PDE4D: variants seen among roughly 807,000 people sequenced by gnomAD.
The protein encoded by PDE4D is phosphodiesterase 4D.
In PDE4D, 24 loss-of-function variants were observed where a neutral mutation model predicts 87.4. That is an observed-to-expected ratio of 0.27 (90% CI 0.20 to 0.39). PDE4D has a LOEUF of 0.39. PDE4D is among the 10% of genes least tolerant of loss of function. The pLI, the probability that PDE4D is intolerant of heterozygous loss-of-function variation, is 1.00. For missense variants in PDE4D, 714 were observed against 1,041.0 expected (o/e 0.69, Z 4.32); for synonymous variants, 384 against 383.2 (o/e 1.00, Z -0.02).
intron 1 of PDE4D, among the ~76,000 whole-genome samples, chr5:60,408,169 T>A (rs935373657): frequency 6.6e-6 from 1 of 152,190 alleles, no homozygotes; most frequent in Non-Finnish European, 1.5e-5. Flanking sequence ...TCTGCACAGC[T>A]GGAGCAGAGA....
intron 5 of PDE4D, among the ~76,000 whole-genome samples, chr5:59,052,150 A>G (rs1761647997): frequency 6.6e-6 from 1 of 152,200 alleles, no homozygotes; most frequent in African/African-American, 2.4e-5. Flanking sequence ...GGTAGCATAT[A>G]AATCATTCAG....
chr5:59,348,397 AT>A (rs1343894591), intron 1 of PDE4D, among the ~76,000 whole-genome samples: 2 of 151,846 alleles, frequency 1.3e-5, no homozygotes, highest in Non-Finnish European at 2.9e-5. Flanking sequence ...AGGTGAGAGA[AT>A]TTTTTGGCAC....
rs1478779395 is a variant in PDE4D, at chr5:59,999,491, AAC to A, written c.43-10776_43-10775del. On this transcript the variant is annotated intron_variant, in intron 2 of 16. Transcript: ENST00000502484. ...AAGCAAATCACTCTAACTGGGAAAGAACACACACAAATTCAAAGAAGATGTAT... is the reference window on the plus strand; with the variant it reads ...AAGCAAATCACTCTAACTGGGAAAGAACACACAAATTCAAAGAAGATGTAT... 4.6e-5 allele frequency among the ~76,000 whole-genome samples: 7 copies of A among 151,308 alleles called. No homozygotes were observed. The East Asian group carries it at 5.9e-4, about 13-fold the overall frequency.
chr5:59,523,537 C>A (rs1321568359), intron 1 of PDE4D, among the ~76,000 whole-genome samples: 1 of 152,138 alleles, frequency 6.6e-6, no homozygotes, highest in Non-Finnish European at 1.5e-5. Flanking sequence ...TCTTGGGAGA[C>A]CTCAGTTGTA....
At chr5:60,292,709 G>T (rs765682819) in intron 1 of PDE4D, among the ~76,000 whole-genome samples, 4 of 152,190 alleles carry the variant, frequency 2.6e-5, no homozygotes, top group Non-Finnish European at 5.9e-5. Context: ...ATGTAGATGT[G>T]TTTCTAATTA....
chr5:60,452,966 A>G (rs1326523487), intron 1 of PDE4D, among the ~76,000 whole-genome samples: 1 of 152,124 alleles, frequency 6.6e-6, no homozygotes, highest in Non-Finnish European at 1.5e-5. Flanking sequence ...ATTAAAATGG[A>G]AAGTGAGAGA....
At chr5:59,363,194 T>C (rs1219666822) in intron 1 of PDE4D, among the ~76,000 whole-genome samples, 1 of 152,198 alleles carries the variant, frequency 6.6e-6, no homozygotes, top group Non-Finnish European at 1.5e-5. Flanking sequence ...GAGAGAGCCA[T>C]TGCAAAGAGC....
At chr5:59,306,530 T>G (rs1026828142) in intron 1 of PDE4D, among the ~76,000 whole-genome samples, 9 of 152,212 alleles carry the variant, frequency 5.9e-5, no homozygotes, top group African/African-American at 2.2e-4. Flanking sequence ...AAAGAGGTTC[T>G]GTGCAAAAAT....
chr5:59,152,424 C>T (rs190299945), intron 5 of PDE4D, among the ~76,000 whole-genome samples: 1 of 152,210 alleles, frequency 6.6e-6, no homozygotes, highest in South Asian at 2.1e-4. Flanking sequence ...ATTGTTTCTA[C>T]CTGCTTTAAT....
intron 6 of PDE4D, among the ~76,000 whole-genome samples, chr5:59,008,576 C>T (rs1752128494): frequency 6.6e-6 from 1 of 152,006 alleles, no homozygotes; most frequent in African/African-American, 2.4e-5. Flanking sequence ...CTGCACCACA[C>T]TAACATCTAC....
intron 1 of PDE4D, among the ~76,000 whole-genome samples, chr5:60,495,287 T>C (rs1216978157): frequency 3.3e-5 from 5 of 152,312 alleles, no homozygotes; most frequent in Admixed American, 3.3e-4. Context: ...GAAAGCAGAT[T>C]ACACTGAGTC....
At chr5:60,493,919 A>T (rs937254576) in intron 1 of PDE4D, among the ~76,000 whole-genome samples, 6 of 152,206 alleles carry the variant, frequency 3.9e-5, no homozygotes, top group Admixed American at 3.9e-4. Flanking sequence ...TTAGCACTAG[A>T]GGACAAACGA....
intron 1 of PDE4D, among the ~76,000 whole-genome samples, chr5:59,604,874 A>C (rs2150044500): frequency 6.6e-6 from 1 of 152,196 alleles, no homozygotes; most frequent in African/African-American, 2.4e-5. Context: ...AATGTAAACC[A>C]TACATACCAT....
At chr5:59,540,268 A>G (rs1218158543) in intron 1 of PDE4D, among the ~76,000 whole-genome samples, 3 of 152,104 alleles carry the variant, frequency 2.0e-5, no homozygotes, top group Non-Finnish European at 4.4e-5. Context: ...TTTTGGTACC[A>G]ATATCTAACT....
At chr5:59,011,072 T>C (rs1328489416) in intron 6 of PDE4D, among the ~76,000 whole-genome samples, 1 of 152,068 alleles carries the variant, frequency 6.6e-6, no homozygotes, top group Non-Finnish European at 1.5e-5. Context: ...GACCCACAGC[T>C]GAGGGTCCTG....
intron 1 of PDE4D, among the ~76,000 whole-genome samples, chr5:59,536,262 T>C (rs1199899456): frequency 6.6e-6 from 1 of 151,940 alleles, no homozygotes. Context: ...TCCCAGCACT[T>C]TGGGAGGCCG....
chr5:59,159,303 A>AT (rs5868163), intron 5 of PDE4D, among the ~76,000 whole-genome samples: 84,850 of 149,120 alleles, frequency 0.57, 24,122 homozygotes, highest in Non-Finnish European at 0.61. Context: ...TAATTTTTGT[A>AT]TTTTTTTTTT....
At chr5:59,651,035 C>T (rs1220464009) in intron 1 of PDE4D, among the ~76,000 whole-genome samples, 1 of 151,936 alleles carries the variant, frequency 6.6e-6, no homozygotes, top group Non-Finnish European at 1.5e-5. Flanking sequence ...GTGGGCGGAT[C>T]ACGAGGTCAG....
chr5:60,337,187 G>T (rs1757838190), intron 1 of PDE4D, among the ~76,000 whole-genome samples: 2 of 148,342 alleles, frequency 1.3e-5, no homozygotes, highest in African/African-American at 5.0e-5. Flanking sequence ...AAAAAATTTA[G>T]CTGGGCATGG....
Sources: allele counts gnomAD v4.1 joint callset (sites outside exome capture counted in the v4.1 genomes callset), GRCh38; gene constraint gnomAD v4.1.1; transcripts MANE v1.5; gene names NCBI Gene and HGNC (gene_info 2026-07-23, HGNC 2026-07-21).